The following IMMP2L variants were observed in gnomAD, a reference collection of about 807,000 sequenced individuals.
The protein encoded by IMMP2L is inner mitochondrial membrane peptidase subunit 2.
In IMMP2L, 18 loss-of-function variants were observed where a neutral mutation model predicts 19.3. The ratio of observed to expected loss-of-function variants is 0.93; its 90% CI spans 0.64 to 1.38. IMMP2L has a LOEUF of 1.38. Ranked by LOEUF, IMMP2L falls within the 40% of genes most tolerant of loss-of-function variation. IMMP2L has a pLI of 0.00. For missense variants in IMMP2L, 233 were observed against 218.2 expected (o/e 1.07, Z -0.43); for synonymous variants, 76 against 73.0 (o/e 1.04, Z -0.21).
intron 3 of IMMP2L, among the ~76,000 whole-genome samples, chr7:111,101,439 CCTA>C (rs1797964445): frequency 6.6e-6 from 1 of 151,362 alleles, no homozygotes; most frequent in African/African-American, 2.4e-5. Context: ...GAGAGTAACA[CCTA>C]AGAATCCATA....
intron 3 of IMMP2L, among the ~76,000 whole-genome samples, chr7:111,258,137 A>AC (rs1816929854): frequency 6.6e-6 from 1 of 152,200 alleles, no homozygotes; most frequent in Non-Finnish European, 1.5e-5. Flanking sequence ...ACAAAGGTTA[A>AC]TAAAGAAACT....
At chr7:111,324,280 T>C (rs1260861845) in intron 3 of IMMP2L, among the ~76,000 whole-genome samples, 2 of 151,334 alleles carry the variant, frequency 1.3e-5, no homozygotes, top group Non-Finnish European at 2.9e-5. Flanking sequence ...GAAATAGTCA[T>C]CAAAAGAGAT....
intron 3 of IMMP2L, among the ~76,000 whole-genome samples, chr7:111,036,054 T>C (rs1387246461): frequency 6.6e-6 from 1 of 152,204 alleles, no homozygotes; most frequent in Non-Finnish European, 1.5e-5. Flanking sequence ...TTAGTCATTA[T>C]TATTACTATT....
At chr7:110,836,578 C>T (rs551162204) in intron 5 of IMMP2L, among the ~76,000 whole-genome samples, 1 of 152,198 alleles carries the variant, frequency 6.6e-6, no homozygotes, top group Admixed American at 6.5e-5. Flanking sequence ...GAACTGAAAG[C>T]CCAATAAACC....
At chr7:111,351,015 T>G (rs1056022924) in intron 3 of IMMP2L, among the ~76,000 whole-genome samples, 4 of 152,086 alleles carry the variant, frequency 2.6e-5, no homozygotes, top group Non-Finnish European at 5.9e-5. Context: ...GATGAAGAAA[T>G]CATAATCTTA....
chr7:110,796,561 ACAATCT>A (rs1250004873), intron 5 of IMMP2L, among the ~76,000 whole-genome samples: 1 of 152,056 alleles, frequency 6.6e-6, no homozygotes, highest in African/African-American at 2.4e-5. Flanking sequence ...AACTTAAAAC[ACAATCT>A]CAATTTCTTT....
intron 3 of IMMP2L, among the ~76,000 whole-genome samples, chr7:111,007,778 A>C (rs1824463460): frequency 6.6e-6 from 1 of 151,796 alleles, no homozygotes. Context: ...ACTTCTCTAA[A>C]TTTCAAACTG....
At chr7:110,873,751 G>A (rs1443993668) in intron 5 of IMMP2L, among the ~76,000 whole-genome samples, 1 of 151,206 alleles carries the variant, frequency 6.6e-6, no homozygotes, top group African/African-American at 2.4e-5. Context: ...CCCAGCAATG[G>A]GCAACAAGAG....
chr7:111,125,989 A>C (rs1031270417), intron 3 of IMMP2L, among the ~76,000 whole-genome samples: 2 of 151,586 alleles, frequency 1.3e-5, no homozygotes, highest in Non-Finnish European at 2.9e-5. Flanking sequence ...TCTCCGGCTA[A>C]TTTTTGTATT....
chr7:111,217,593 A>C (rs1262102939), intron 3 of IMMP2L, among the ~76,000 whole-genome samples: 1 of 152,144 alleles, frequency 6.6e-6, no homozygotes, highest in African/African-American at 2.4e-5. Context: ...TACAGCTAAT[A>C]ACGTCCGTTG....
chr7:111,409,410 A>G (rs985909532), intron 3 of IMMP2L, among the ~76,000 whole-genome samples: 6 of 151,774 alleles, frequency 4.0e-5, no homozygotes, highest in African/African-American at 1.2e-4. Context: ...TCATAATTCA[A>G]CATGCACTAC....
chr7:111,491,978 C>G (rs1843147877), intron 2 of IMMP2L, among the ~76,000 whole-genome samples: 1 of 150,732 alleles, frequency 6.6e-6, no homozygotes, highest in Non-Finnish European at 1.5e-5. Flanking sequence ...GTCTCTTTTA[C>G]TGGTGTTTTT....
chr7:111,353,084 A>G (rs1183860119), intron 3 of IMMP2L, among the ~76,000 whole-genome samples: 1 of 152,190 alleles, frequency 6.6e-6, no homozygotes, highest in Non-Finnish European at 1.5e-5. Context: ...GGACACACCC[A>G]TGACATTGTT....
chr7:111,420,045 T>A (rs1835336041), intron 3 of IMMP2L, among the ~76,000 whole-genome samples: 1 of 151,802 alleles, frequency 6.6e-6, no homozygotes, highest in Admixed American at 6.5e-5. Flanking sequence ...GTATTTAATG[T>A]CATTGAACTG....
At chr7:110,834,938 A>G (rs1804303393) in intron 5 of IMMP2L, among the ~76,000 whole-genome samples, 1 of 152,142 alleles carries the variant, frequency 6.6e-6, no homozygotes, top group Admixed American at 6.6e-5. Flanking sequence ...CATGTAACCA[A>G]TCACCCTCAG....
intron 4 of IMMP2L, among the ~76,000 whole-genome samples, chr7:110,894,912 G>A (rs998278205): frequency 6.6e-5 from 10 of 152,016 alleles, no homozygotes; most frequent in African/African-American, 2.2e-4. Flanking sequence ...AATTTTTCCA[G>A]TACCATTTTT....
In IMMP2L at chr7:110,970,937, C is replaced by T. The variant is rs768524373; in HGVS notation, c.240-7372G>A. Among the ~76,000 whole-genome samples the T allele has an allele frequency of 4.6e-5, 7 of 152,208 alleles. No individual in the cohort carries two copies. The South Asian group carries it at 1.4e-3, about 32-fold the overall frequency. On this transcript the variant is annotated intron_variant, in intron 3 of 5. Transcript: ENST00000405709. ...GTTTCAGTCAGGTTGGGAAATAGTA[C>T]CACATATTTTTGGTAGGTTTGAAGG...
intron 3 of IMMP2L, among the ~76,000 whole-genome samples, chr7:110,971,809 A>C (rs1820169235): frequency 6.6e-6 from 1 of 152,070 alleles, no homozygotes; most frequent in Admixed American, 6.6e-5. Flanking sequence ...TTTGATTAAT[A>C]TGCTTTCTAG....
At chr7:110,958,908 T>A (rs918882656) in intron 4 of IMMP2L, among the ~76,000 whole-genome samples, 1 of 151,900 alleles carries the variant, frequency 6.6e-6, no homozygotes, top group Non-Finnish European at 1.5e-5. Context: ...TGACAGAAAA[T>A]GGAAGTCCTG....
Sources: gnomAD v4.1 joint callset for allele counts (sites outside exome capture counted in the v4.1 genomes callset) on GRCh38, gnomAD v4.1.1 for gene constraint, MANE v1.5 for transcripts, NCBI Gene and HGNC (gene_info 2026-07-23, HGNC 2026-07-21) for gene names.